Variants in MTCL2 observed in about 807,000 individuals in gnomAD.
MTCL2 encodes the protein microtubule cross-linking factor 2.
chr20:36,856,864 G>A, the MTCL2 span, among the ~76,000 whole-genome samples: 39 of 152,138 alleles, frequency 2.6e-4, no homozygotes, highest in Admixed American at 7.2e-4. Flanking sequence ...GTGTGCGTGC[G>A]CGCACGTGTG....
chr20:36,792,927 C>T, the MTCL2 span, among the ~76,000 whole-genome samples: 6 of 150,804 alleles, frequency 4.0e-5, no homozygotes, highest in East Asian at 1.9e-4. Flanking sequence ...TTTGGTGAGA[C>T]GGAGTCTTAG....
the MTCL2 span, among the ~76,000 whole-genome samples, chr20:36,853,919 T>A: frequency 4.6e-5 from 7 of 152,176 alleles, no homozygotes; most frequent in African/African-American, 2.4e-5. Flanking sequence ...CCTTTCCATG[T>A]GAACAGGAAG....
chr20:36,804,764 GCT>G, the MTCL2 span: 1 of 1,613,922 alleles, frequency 6.2e-7, no homozygotes, highest in Non-Finnish European at 8.5e-7. Flanking sequence ...AGCTCTGCCC[GCT>G]CTGTCTCCCA....
the MTCL2 span, among the ~76,000 whole-genome samples, chr20:36,817,711 TCC>T: frequency 2.0e-4 from 31 of 152,282 alleles, no homozygotes; most frequent in African/African-American, 7.2e-4. Flanking sequence ...TGCTCAGGGC[TCC>T]TCCCCTCCAG....
the MTCL2 span, among the ~76,000 whole-genome samples, chr20:36,848,569 G>C: frequency 1.3e-5 from 2 of 152,242 alleles, no homozygotes; most frequent in South Asian, 4.1e-4. Flanking sequence ...AGTAAGGAAA[G>C]ACAGGAACCA....
chr20:36,859,678 A>G, the MTCL2 span: 3 of 1,231,766 alleles, frequency 2.4e-6, 1 homozygote, highest in Middle Eastern at 6.2e-4. Flanking sequence ...TGGAGATCAC[A>G]GTCCTTCGCA....
At chr20:36,859,361 G>T in the MTCL2 span, among the ~76,000 whole-genome samples, 1 of 152,220 alleles carries the variant, frequency 6.6e-6, no homozygotes, top group East Asian at 1.9e-4. Flanking sequence ...AGCTAAAGCT[G>T]CATCTTAGAA....
chr20:36,815,254 T>C, the MTCL2 span: 4 of 1,613,860 alleles, frequency 2.5e-6, no homozygotes, highest in African/African-American at 5.3e-5. The surrounding 1 kb of genome is among the most constrained non-coding windows in gnomAD (Gnocchi z 5.3). Context: ...GCATCTGCCT[T>C]CCGCGTGAAG....
the MTCL2 span, among the ~76,000 whole-genome samples, chr20:36,813,313 TAAAA>T: frequency 7.2e-5 from 3 of 41,900 alleles, no homozygotes; most frequent in Non-Finnish European, 1.1e-4. Flanking sequence ...ACTGTTTCTT[TAAAA>T]AAAAAAAAAA....
At chr20:36,813,858 A>T in the MTCL2 span, among the ~76,000 whole-genome samples, 1 of 151,776 alleles carries the variant, frequency 6.6e-6, no homozygotes, top group African/African-American at 2.4e-5. Flanking sequence ...GAGGATGAAG[A>T]TCAAACCTCC....
the MTCL2 span, chr20:36,816,213 T>C: frequency 1.8e-5 from 29 of 1,613,210 alleles, no homozygotes; most frequent in Non-Finnish European, 2.4e-5. Context: ...CTTCATGCTG[T>C]CATTCTCCTT....
chr20:36,807,758 A>G, the MTCL2 span, among the ~76,000 whole-genome samples: 4 of 151,160 alleles, frequency 2.6e-5, no homozygotes, highest in South Asian at 8.4e-4. Context: ...TTGGCCAGGC[A>G]TGGTGGCTCA....
At chr20:36,804,620 G>A in the MTCL2 span, 1 of 1,388,354 alleles carries the variant, frequency 7.2e-7, no homozygotes. Flanking sequence ...CACAGGTGAA[G>A]CAACGGCATT....
At chr20:36,857,008 T>G in the MTCL2 span, among the ~76,000 whole-genome samples, 1 of 152,236 alleles carries the variant, frequency 6.6e-6, no homozygotes, top group African/African-American at 2.4e-5. Context: ...TGGGTGTCTG[T>G]AAGCCTCGGG....
At chr20:36,825,268 G>A in the MTCL2 span, among the ~76,000 whole-genome samples, 4 of 152,138 alleles carry the variant, frequency 2.6e-5, no homozygotes, top group African/African-American at 7.2e-5. Context: ...TAAATGGTGA[G>A]TTGTATGATA....
the MTCL2 span, chr20:36,803,072 C>T: frequency 2.5e-6 from 4 of 1,608,964 alleles, no homozygotes; most frequent in African/African-American, 5.3e-5. Context: ...CGGGCCCTGC[C>T]CGCTCCCCGG....
the MTCL2 span, chr20:36,784,718 T>C: frequency 5.6e-5 from 55 of 985,344 alleles, no homozygotes; most frequent in Non-Finnish European, 6.1e-5. Context: ...CTCAGGCAGC[T>C]CACAGGGGAC....
the MTCL2 span, chr20:36,816,270 G>T: frequency 6.2e-7 from 1 of 1,603,004 alleles, no homozygotes. Context: ...CTCCTCCTTT[G>T]CAAAGTGCAA....
At chr20:36,837,843 C>T in the MTCL2 span, among the ~76,000 whole-genome samples, 1 of 152,138 alleles carries the variant, frequency 6.6e-6, no homozygotes, top group Non-Finnish European at 1.5e-5. Flanking sequence ...TCCCAAAGTG[C>T]TGGGATTACA....
Sources: allele counts gnomAD v4.1 joint callset (sites outside exome capture counted in the v4.1 genomes callset), GRCh38; gene constraint gnomAD v4.1.1; non-coding constraint Gnocchi (gnomAD v3.1); transcripts MANE v1.5; gene names NCBI Gene and HGNC (gene_info 2026-07-23, HGNC 2026-07-21).